WWOX: variants seen among roughly 807,000 people sequenced by gnomAD.
The protein encoded by WWOX is WW domain-containing oxidoreductase.
In WWOX, 69 loss-of-function variants were observed where a neutral mutation model predicts 46.2. The observed-to-expected ratio is 1.49, with a 90% CI of 1.23 to 1.82. The LOEUF (loss-of-function observed/expected upper bound fraction) is 1.82, where lower values mean the gene tolerates loss of function less well. WWOX is among the 40% of genes most tolerant of loss of function. The probability of loss-of-function intolerance (pLI) is 0.00; values close to 1 mark genes in which losing one functional copy is unlikely to be tolerated. For synonymous variants in WWOX, 359 were observed against 202.6 expected, an observed-to-expected ratio of 1.77 and a Z score of -6.56; for missense variants, 919 against 542.6, an observed-to-expected ratio of 1.69 and a Z score of -6.89.
chr16:78,269,171 A>C (rs1475359117), intron 5 of WWOX: 3 of 152,200 alleles, frequency 2.0e-5, no homozygotes, highest in Non-Finnish European at 4.4e-5. Context: ...ATGTATATCC[A>C]AGTGGAATTA....
chr16:78,436,351 C>G (rs950452823), intron 8 of WWOX, among the ~76,000 whole-genome samples: 2 of 152,164 alleles, frequency 1.3e-5, no homozygotes, highest in Non-Finnish European at 2.9e-5. Flanking sequence ...TGATCTCCAA[C>G]CTGCACGTCT....
chr16:78,765,056 G>C (rs976436807), intron 8 of WWOX, among the ~76,000 whole-genome samples: 1 of 152,206 alleles, frequency 6.6e-6, no homozygotes, highest in Non-Finnish European at 1.5e-5. Context: ...CAGTGGAAGG[G>C]AAGTCTCAGC....
At chr16:79,065,508 T>A (rs879559984) in intron 8 of WWOX, among the ~76,000 whole-genome samples, 68 of 152,026 alleles carry the variant, frequency 4.5e-4, no homozygotes, top group Non-Finnish European at 9.0e-4. Flanking sequence ...CAGGCCTAGG[T>A]GGGGTCAGTG....
intron 8 of WWOX, among the ~76,000 whole-genome samples, chr16:78,531,731 G>C (rs548632617): frequency 6.6e-6 from 1 of 152,048 alleles, no homozygotes; most frequent in Admixed American, 6.6e-5. Flanking sequence ...GGTGATGTGT[G>C]TCTGTAATCC....
intron 8 of WWOX, among the ~76,000 whole-genome samples, chr16:78,943,315 A>G (rs1204923939): frequency 6.8e-6 from 1 of 147,030 alleles, no homozygotes; most frequent in Non-Finnish European, 1.5e-5. Context: ...AACGAGTAAA[A>G]AGCAACCCGA....
At chr16:78,252,144 G>C (rs970458966) in intron 5 of WWOX, among the ~76,000 whole-genome samples, 1 of 152,166 alleles carries the variant, frequency 6.6e-6, no homozygotes. Flanking sequence ...GGAAAGAGGG[G>C]CATCTTGCAC....
intron 8 of WWOX, among the ~76,000 whole-genome samples, chr16:79,095,649 C>A (rs28496920): frequency 2.0e-5 from 3 of 151,966 alleles, no homozygotes; most frequent in Admixed American, 2.0e-4. Context: ...AGGCTCTAAC[C>A]TGGCAGGTTT....
At chr16:78,603,424 G>A (rs947026913) in intron 8 of WWOX, among the ~76,000 whole-genome samples, 1 of 152,232 alleles carries the variant, frequency 6.6e-6, no homozygotes. Context: ...GCTGGGTGCA[G>A]TGCCTCATGC....
chr16:78,337,135 G>A (rs2151897056), intron 5 of WWOX, among the ~76,000 whole-genome samples: 1 of 152,206 alleles, frequency 6.6e-6, no homozygotes, highest in East Asian at 1.9e-4. Flanking sequence ...TAAACACTCT[G>A]CAGTTCAAAG....
At chr16:79,120,803 CTG>C (rs928856639) in intron 8 of WWOX, among the ~76,000 whole-genome samples, 3 of 152,334 alleles carry the variant, frequency 2.0e-5, no homozygotes, top group African/African-American at 7.2e-5. Flanking sequence ...CAGTCTCACT[CTG>C]TTGCCCCGGC....
At chr16:79,181,390 C>T (rs2050908608) in intron 8 of WWOX, among the ~76,000 whole-genome samples, 1 of 151,986 alleles carries the variant, frequency 6.6e-6, no homozygotes, top group Non-Finnish European at 1.5e-5. Flanking sequence ...TTGTTTTAGC[C>T]CTTATGAATA....
intron 8 of WWOX, among the ~76,000 whole-genome samples, chr16:78,883,946 T>G (rs1229926289): frequency 6.6e-6 from 1 of 152,084 alleles, no homozygotes; most frequent in Non-Finnish European, 1.5e-5. Flanking sequence ...AAGACTTGAT[T>G]TACATAGGAT....
intron 5 of WWOX, among the ~76,000 whole-genome samples, chr16:78,371,160 C>A (rs372506256): frequency 3.2e-4 from 49 of 152,120 alleles, no homozygotes; most frequent in African/African-American, 1.2e-3. Flanking sequence ...TAAGTTGATA[C>A]GCACAGTTCC....
At chr16:78,503,307 C>G (rs1156870101) in intron 8 of WWOX, among the ~76,000 whole-genome samples, 2 of 152,094 alleles carry the variant, frequency 1.3e-5, no homozygotes, top group African/African-American at 2.4e-5. Flanking sequence ...AATAAGGTAA[C>G]AGACCCTCAG....
chr16:78,766,426 G>A (rs372959735), intron 8 of WWOX, among the ~76,000 whole-genome samples: 4 of 152,162 alleles, frequency 2.6e-5, no homozygotes, highest in South Asian at 2.1e-4. Flanking sequence ...AAGACCCCAC[G>A]TCTTAAAAAA....
At chr16:78,333,933 T>C (rs568330084) in intron 5 of WWOX, among the ~76,000 whole-genome samples, 1 of 143,644 alleles carries the variant, frequency 7.0e-6, no homozygotes, top group African/African-American at 2.8e-5. Context: ...TTCTTCTCTT[T>C]TAGAAACCTT....
At chr16:78,728,055 CTTTTTTTTTTTTTTTTT>C in intron 8 of WWOX, among the ~76,000 whole-genome samples, 1 of 86,782 alleles carries the variant, frequency 1.2e-5, no homozygotes, top group South Asian at 4.2e-4. Flanking sequence ...TCCCTCCTTC[CTTTTTTTTTTTTTTTTT>C]TTTTTTTTTT....
intron 5 of WWOX, among the ~76,000 whole-genome samples, chr16:78,201,920 C>T (rs1319600389): frequency 1.3e-5 from 2 of 151,924 alleles, no homozygotes; most frequent in Non-Finnish European, 2.9e-5. Context: ...AGGCTGGTCA[C>T]GAACTCCTAA....
At chr16:78,170,922 C>T (rs1416529455) in intron 5 of WWOX, among the ~76,000 whole-genome samples, 1 of 152,198 alleles carries the variant, frequency 6.6e-6, no homozygotes, top group Admixed American at 6.5e-5. Context: ...TTGATTGCAA[C>T]CACACGGTTT....
Sources: gnomAD v4.1 joint callset for allele counts (sites outside exome capture counted in the v4.1 genomes callset) on GRCh38, gnomAD v4.1.1 for gene constraint, MANE v1.5 for transcripts, NCBI Gene and HGNC (gene_info 2026-07-23, HGNC 2026-07-21) for gene names.